Variants in CMSS1 observed in about 807,000 individuals in gnomAD.
The protein encoded by CMSS1 is protein CMSS1.
In CMSS1, 33 loss-of-function variants were observed where a neutral mutation model predicts 43.5. The ratio of observed to expected loss-of-function variants is 0.76; its 90% CI spans 0.57 to 1.01. CMSS1 has a LOEUF of 1.01. Ranked by LOEUF, CMSS1 falls within the 50% of genes least tolerant of loss-of-function variation. The pLI is 0.00. For synonymous variants in CMSS1, 115 were observed against 117.2 expected (o/e 0.98, Z 0.12); for missense variants, 313 against 326.4 (o/e 0.96, Z 0.32).
intron 1 of CMSS1, among the ~76,000 whole-genome samples, chr3:99,917,827 C>G (rs957372959): frequency 3.3e-5 from 5 of 152,212 alleles, no homozygotes; most frequent in African/African-American, 9.7e-5. Flanking sequence ...GTCATTCTCA[C>G]TGACCTCTTT....
At chr3:99,927,699 A>T (rs553929929) in intron 1 of CMSS1, among the ~76,000 whole-genome samples, 2 of 152,268 alleles carry the variant, frequency 1.3e-5, no homozygotes, top group African/African-American at 4.8e-5. Context: ...TTTTGGAAGA[A>T]CTAAGAATAC....
intron 1 of CMSS1, among the ~76,000 whole-genome samples, chr3:99,895,064 C>T (rs1184465382): frequency 6.6e-6 from 1 of 151,980 alleles, no homozygotes; most frequent in East Asian, 2.0e-4. Context: ...TCTGGAAATA[C>T]TCTTGCCCTC....
intron 1 of CMSS1, among the ~76,000 whole-genome samples, chr3:99,980,582 T>A (rs1416270232): frequency 3.3e-5 from 5 of 152,164 alleles, no homozygotes; most frequent in Non-Finnish European, 7.3e-5. Context: ...TTAAGAAAAA[T>A]TTAAAAATTA....
intron 2 of CMSS1, among the ~76,000 whole-genome samples, chr3:100,148,756 A>G (rs2066876528): frequency 6.6e-6 from 1 of 152,092 alleles, no homozygotes; most frequent in East Asian, 1.9e-4. Flanking sequence ...TAATAATTAT[A>G]TTATAATCTT....
chr3:100,024,098 T>C (rs2064875883), intron 1 of CMSS1, among the ~76,000 whole-genome samples: 1 of 152,142 alleles, frequency 6.6e-6, no homozygotes, highest in Non-Finnish European at 1.5e-5. Flanking sequence ...AACTACATCT[T>C]CCACACTCCG....
chr3:99,850,678 T>G, intron 1 of CMSS1: 5 of 1,614,168 alleles, frequency 3.1e-6, no homozygotes, highest in Non-Finnish European at 4.2e-6. Flanking sequence ...CTCATCAATC[T>G]GCCGGCTGAG....
intron 1 of CMSS1, among the ~76,000 whole-genome samples, chr3:99,871,646 T>C (rs1944791731): frequency 1.3e-5 from 2 of 152,184 alleles, no homozygotes; most frequent in Non-Finnish European, 2.9e-5. Context: ...TGAGTCACTT[T>C]GAATTTTGAA....
At chr3:100,041,924 A>G (rs935928829) in intron 1 of CMSS1, among the ~76,000 whole-genome samples, 5 of 152,222 alleles carry the variant, frequency 3.3e-5, no homozygotes, top group Admixed American at 2.6e-4. Context: ...TAGGATAGAA[A>G]GGCACAGGCT....
At chr3:99,991,952 ATATATGTGTG>A (rs1306504631) in intron 1 of CMSS1, among the ~76,000 whole-genome samples, 1 of 146,884 alleles carries the variant, frequency 6.8e-6, no homozygotes, top group Non-Finnish European at 1.5e-5. Context: ...ATATATGTGT[ATATATGTGTG>A]TATATATACA....
intron 5 of CMSS1, among the ~76,000 whole-genome samples, chr3:100,166,674 C>G (rs1345174257): frequency 6.6e-6 from 1 of 152,158 alleles, no homozygotes; most frequent in African/African-American, 2.4e-5. Flanking sequence ...ATTCTGTTTG[C>G]ATGTTTACCA....
chr3:99,987,434 C>G (rs931814159), intron 1 of CMSS1, among the ~76,000 whole-genome samples: 1 of 148,920 alleles, frequency 6.7e-6, no homozygotes, highest in Non-Finnish European at 1.5e-5. Flanking sequence ...GAGGCTGAGA[C>G]AGGAGACTCT....
At chr3:100,174,753 A>G (rs2067135752) in intron 8 of CMSS1, among the ~76,000 whole-genome samples, 1 of 152,212 alleles carries the variant, frequency 6.6e-6, no homozygotes. Context: ...GTTTTCAGAC[A>G]TTGAAAGATA....
chr3:100,039,903 G>A (rs536503287), intron 1 of CMSS1: 367 of 152,054 alleles, frequency 2.4e-3, no homozygotes, highest in African/African-American at 8.3e-3. Flanking sequence ...ACAGACGCCC[G>A]CCACCATGCC....
At chr3:100,020,654 TAAA>T (rs1453998729) in intron 1 of CMSS1, among the ~76,000 whole-genome samples, 1 of 151,954 alleles carries the variant, frequency 6.6e-6, no homozygotes, top group Non-Finnish European at 1.5e-5. Context: ...TTAAAGTTCT[TAAA>T]AAGTGTTTAT....
chr3:99,843,427 C>G (rs1242795475), intron 1 of CMSS1, among the ~76,000 whole-genome samples: 3 of 152,106 alleles, frequency 2.0e-5, no homozygotes, highest in African/African-American at 7.2e-5. Context: ...TTTGTCATGC[C>G]AGCCACTAGA....
intron 1 of CMSS1, among the ~76,000 whole-genome samples, chr3:99,881,019 G>A (rs951837320): frequency 3.3e-5 from 5 of 152,162 alleles, no homozygotes; most frequent in Admixed American, 2.6e-4. Context: ...TGGTCACAAA[G>A]CCAACTACTG....
intron 1 of CMSS1, chr3:99,849,876 T>C (rs1943574800): frequency 6.2e-7 from 1 of 1,611,434 alleles, no homozygotes; most frequent in Non-Finnish European, 8.5e-7. Context: ...TTAGGAAATC[T>C]TTCTCAATTG....
chr3:99,942,801 C>T (rs926645653), intron 1 of CMSS1, among the ~76,000 whole-genome samples: 9 of 151,894 alleles, frequency 5.9e-5, no homozygotes, highest in Admixed American at 5.2e-4. Flanking sequence ...TGCACTCTAG[C>T]CTCGGCGACA....
chr3:100,035,466 T>TTTCACCATGTTGGCCAGGCTGGTCTCGAA (rs1432439884), intron 1 of CMSS1, among the ~76,000 whole-genome samples: 3 of 152,142 alleles, frequency 2.0e-5, no homozygotes, highest in Non-Finnish European at 4.4e-5. Context: ...AGAGACAGGG[T>TTTCACCATGTTGGCCAGGCTGGTCTCGAA]TTCACCATGT....
Sources: allele counts gnomAD v4.1 joint callset (sites outside exome capture counted in the v4.1 genomes callset), GRCh38; gene constraint gnomAD v4.1.1; transcripts MANE v1.5; gene names NCBI Gene and HGNC (gene_info 2026-07-23, HGNC 2026-07-21).